The following SFPQ variants were observed in gnomAD, a reference collection of about 807,000 sequenced individuals.
SFPQ encodes the protein splicing factor, proline- and glutamine-rich.
SFPQ carries 11 observed loss-of-function variants against 72.9 expected under a neutral mutation model. The observed-to-expected ratio is 0.15, with a 90% CI of 0.09 to 0.25. SFPQ has a LOEUF of 0.25. SFPQ is among the 10% of genes least tolerant of loss of function. The pLI, the probability that SFPQ is intolerant of heterozygous loss-of-function variation, is 1.00. For synonymous variants in SFPQ, 506 were observed against 367.3 expected (o/e 1.38, Z -4.32); for missense variants, 847 against 993.3 (o/e 0.85, Z 1.98).
downstream of SFPQ, chr1:35,178,925 A>C: frequency 9.5e-7 from 1 of 1,053,826 alleles, no homozygotes; most frequent in Non-Finnish European, 1.1e-6. Context: ...ACTGGTGTTC[A>C]AAAGCAACGT....
chr1:35,189,542 C>T (rs892257600), intron 4 of SFPQ, among the ~76,000 whole-genome samples, 160 bp from the exon 5 acceptor site: 1 of 152,174 alleles, frequency 6.6e-6, no homozygotes, highest in Non-Finnish European at 1.5e-5. Flanking sequence ...CAAAAATACT[C>T]AGAACACTCA....
At chr1:35,179,790 T>G, downstream of SFPQ, 1 of 1,054,892 alleles carries the variant, frequency 9.5e-7, no homozygotes, top group Non-Finnish European at 1.1e-6. Context: ...TGTTACTGAC[T>G]GGTAAGAAAT....
intron 9 of SFPQ, among the ~76,000 whole-genome samples, chr1:35,186,573 C>T (rs1639725545): frequency 6.6e-6 from 1 of 152,138 alleles, no homozygotes; most frequent in African/African-American, 2.4e-5. Flanking sequence ...TAAAACGTGC[C>T]TAAAGCTTCA....
At chr1:35,178,884 CAAAAA>C (rs200118997), downstream of SFPQ, 1,382 of 964,042 alleles carry the variant, frequency 1.4e-3, 5 homozygotes, top group Middle Eastern at 1.9e-3. Context: ...TTTTCACTCT[CAAAAA>C]AAAAAAAAAA....
At chr1:35,188,142 A>G in intron 6 of SFPQ, 52 bp from the exon 7 acceptor site, 1 of 1,358,848 alleles carries the variant, frequency 7.4e-7, no homozygotes, top group Non-Finnish European at 1.1e-6. Flanking sequence ...ATCTTTTAGA[A>G]TTCAATGTGA....
downstream of SFPQ, chr1:35,181,307 A>C: frequency 1.9e-6 from 2 of 1,065,640 alleles, no homozygotes; most frequent in African/African-American, 3.3e-5. Flanking sequence ...TTGCAGTCCA[A>C]GAACACCAGA....
At chr1:35,177,960 A>AG (rs1639315956), downstream of SFPQ, 1 of 1,114,310 alleles carries the variant, frequency 9.0e-7, no homozygotes, top group Non-Finnish European at 1.2e-6. Context: ...AAAAGCCTGT[A>AG]GGGGTTAAGA....
In SFPQ at chr1:35,192,370, G is replaced by A. The variant is rs1230710455; in HGVS notation, c.680C>T (p.Pro227Leu). Residue 227 changes from proline to leucine, a missense_variant, in exon 1 of 10, where the codon CCT becomes CTT. Coordinates refer to ENST00000357214, the MANE Select transcript of SFPQ (RefSeq NM_005066.3). ...ATGCGGCGGCTTGGGGTGGCCGCCA[G>A]GCGTACTTAGGCCCGGGCCGCCACC... is the stretch of plus-strand genomic sequence containing the variant. ...KPGGGPGLST[P>L]GGHPKPPHRG... 3.6e-6 allele frequency: 5 copies of A among 1,391,120 alleles called. No homozygotes were observed. In the Admixed American group the frequency reaches 1.1e-4, roughly 31 times the overall value. 86.2% of individuals were successfully genotyped at this position (1,391,120 alleles called of 1,614,324 possible). A position where few individuals can be genotyped will look rare whatever the true frequency, so the allele number is the denominator to read the frequency against.
Position 35,189,244 on chromosome 1 carries a change from T to C in SFPQ, c.1554A>G (p.Lys518=). 2.5e-6 allele frequency: 4 copies of C among 1,613,960 alleles called. No individual in the cohort carries two copies. Among genetic ancestry groups the C allele is most frequent in the Non-Finnish European group, 3.4e-6 (4 of 1,179,788 alleles). ...AGGCATCTTCCATTTCACTTTCCAA[T>C]TTGTCTTTTGCATCTTTCATGTTTT... The part of the protein sequence containing the change: ...VEKNMKDAKD[K]LESEMEDAYH... Residue 518 remains lysine, a synonymous_variant, in exon 5 of 10, where the codon AAA becomes AAG. Transcript: ENST00000357214.
intron 1 of SFPQ, 65 bp downstream of exon 1, chr1:35,192,157 C>CG: frequency 2.4e-6 from 3 of 1,239,386 alleles, no homozygotes; most frequent in Non-Finnish European, 3.1e-6. Context: ...AGCGCGGGGG[C>CG]GGGGGCGAGG....
In SFPQ at chr1:35,189,218, T is replaced by C. The variant is rs1283089044; in HGVS notation, c.1580A>G (p.Tyr527Cys). Residue 527 changes from tyrosine to cysteine, a missense_variant, in exon 5 of 10, where the codon TAT (tyrosine) becomes TGT (cysteine). By Grantham distance (194) the Tyr-to-Cys change is radical. This residue lies in a region of SFPQ where 132 missense variants were observed against 255.4 expected (regional missense o/e 0.52). Coordinates refer to ENST00000357214, the MANE Select transcript of SFPQ (RefSeq NM_005066.3). Reference protein sequence around the residue: ...DKLESEMEDAYHEHQANLLRQ... With the variant: ...DKLESEMEDACHEHQANLLRQ... ...CAAAAGATTTGCCTGATGTTCATGA[T>C]AGGCATCTTCCATTTCACTTTCCAA... 4 of 1,613,794 alleles carry C rather than the reference T, an allele frequency of 2.5e-6. No homozygotes were observed. Among genetic ancestry groups the C allele is most frequent in the African/African-American group, 1.3e-5 (1 of 74,940 alleles).
chr1:35,182,530 G>A, downstream of SFPQ: 1 of 985,354 alleles, frequency 1.0e-6, no homozygotes, highest in Non-Finnish European at 1.2e-6. Context: ...TTTACTTTCA[G>A]CATTATCCTG....
chr1:35,191,987 C>T (rs1570141033), intron 1 of SFPQ, among the ~76,000 whole-genome samples: 1 of 152,110 alleles, frequency 6.6e-6, no homozygotes, highest in East Asian at 1.9e-4. Context: ...CGCGGCCCCG[C>T]GCTTCCTTCC....
rs866606427 is a variant in SFPQ at position 35,189,479 on chromosome 1, A to G, written c.1416-97T>C. On this transcript the variant is annotated intron_variant, in intron 4 of 9. Transcript: ENST00000357214. ...ATCTTTTTCCTGTTCTATTTCTTGT[A>G]AAGAGTACAAAAGGCAAAAATTTTC... The G allele has an allele frequency of 4.6e-5, 46 of 999,140 alleles. No homozygotes were observed. In the East Asian group the frequency reaches 5.0e-4, roughly 11 times the overall value. 61.9% of individuals were successfully genotyped at this position (999,140 alleles called of 1,614,324 possible).
chr1:35,177,023 C>A (rs547620569), intron 5 of SFPQ, among the ~76,000 whole-genome samples: 1 of 152,228 alleles, frequency 6.6e-6, no homozygotes, highest in Admixed American at 6.5e-5. Flanking sequence ...TGAGACCAGC[C>A]TGACCAACAT....
downstream of SFPQ, chr1:35,179,973 C>G (rs772957316): frequency 9.5e-7 from 1 of 1,052,218 alleles, no homozygotes. Flanking sequence ...TGTTGATATG[C>G]AGAGGCTAAA....
chr1:35,190,695 T>A lies in SFPQ; in HGVS notation c.1318A>T (p.Thr440Ser), dbSNP rs1210866819. The change falls in exon 3 of 10, where the codon ACA becomes TCA. Residue 440 changes from threonine to serine, a missense_variant and splice_region_variant. By Grantham distance (58) the Thr-to-Ser change is moderately conservative. Transcript: ENST00000357214. Reference protein sequence around the residue: ...RCSEGVFLLTTTPRPVIVEPL... With the variant: ...RCSEGVFLLTSTPRPVIVEPL... ...ATTAGAATAAACAAGACAACTTACG[T>A]CGTCAGTAAGAAAACACCTTCACTG... The A allele has an allele frequency of 6.2e-7, 1 of 1,613,068 alleles. No homozygotes were observed. Among genetic ancestry groups the A allele is most frequent in the Admixed American group, 1.7e-5 (1 of 59,870 alleles).
In SFPQ at chr1:35,188,076, C is replaced by A; in HGVS notation, c.1712G>T (p.Arg571Leu). The A allele has an allele frequency of 6.2e-7, 1 of 1,613,112 alleles. No homozygotes were observed. Among genetic ancestry groups the A allele is most frequent in the Non-Finnish European group, 8.5e-7 (1 of 1,179,140 alleles). ...CATCATCTCTTCCTCTCTTCTACGT[C>A]GTTCCTCCTCTTGCCTAGAAATACC... ...KEMQLRQEEE[R>L]RRREEEMMIR... is the part of the protein sequence containing the mutation. The change falls in exon 7 of 10, where the codon CGA (arginine) becomes CTA (leucine). Residue 571 changes from arginine to leucine, a missense_variant. Transcript: ENST00000357214.
chr1:35,178,317 G>A (rs771270867), downstream of SFPQ: 19 of 1,086,662 alleles, frequency 1.7e-5, no homozygotes, highest in South Asian at 2.5e-4. Flanking sequence ...AAGTTTGACT[G>A]CAACCCAAAA....
Sources: gnomAD v4.1 joint callset for allele counts (sites outside exome capture counted in the v4.1 genomes callset) on GRCh38, gnomAD v4.1.1 for gene constraint, gnomAD v4.1.1 regional missense constraint, MANE v1.5 for transcripts, NCBI Gene and HGNC (gene_info 2026-07-23, HGNC 2026-07-21) for gene names.